KIRREL3: variants seen among roughly 807,000 people sequenced by gnomAD.
KIRREL3 encodes kin of IRRE-like protein 3.
Under a neutral mutation model 89.7 loss-of-function variants are expected in KIRREL3, and 36 were observed. The observed-to-expected ratio is 0.40, with a 90% CI of 0.31 to 0.53. The LOEUF is 0.53. KIRREL3 is among the 20% of genes least tolerant of loss of function. The pLI, the probability that KIRREL3 is intolerant of heterozygous loss-of-function variation, is 0.49. For missense variants in KIRREL3, 864 were observed against 1,056.6 expected, an observed-to-expected ratio of 0.82 and a Z score of 2.53; for synonymous variants, 445 against 441.4, an observed-to-expected ratio of 1.01 and a Z score of -0.10.
chr11:126,482,141 T>C (rs10893519), intron 4 of KIRREL3, among the ~76,000 whole-genome samples: 70,788 of 151,760 alleles, frequency 0.47, 18,100 homozygotes, highest in African/African-American at 0.69. Flanking sequence ...TGGGTTCAAG[T>C]GATTCTCCTG....
intron 1 of KIRREL3, among the ~76,000 whole-genome samples, chr11:126,588,439 G>A (rs1040062354): frequency 6.6e-6 from 1 of 152,170 alleles, no homozygotes; most frequent in African/African-American, 2.4e-5. Context: ...ATAGGGGTGG[G>A]AATAGGAATT....
chr11:126,968,986 C>T (rs664602), intron 1 of KIRREL3, among the ~76,000 whole-genome samples: 139,501 of 152,210 alleles, frequency 0.92, 64,103 homozygotes, highest in African/African-American at 0.98. Context: ...GGAGTGGTTA[C>T]ATTTTTGAGT....
chr11:126,829,525 C>A (rs1044711467), intron 1 of KIRREL3, among the ~76,000 whole-genome samples: 2 of 152,068 alleles, frequency 1.3e-5, no homozygotes, highest in African/African-American at 4.8e-5. Flanking sequence ...GTCTTGTGCC[C>A]CAAACTACCT....
rs1410286765 is a variant in KIRREL3, at chr11:126,566,273, G to A, written c.56-3361C>T. Reference sequence around the variant, plus strand: ...AGGAAGGTTTAGGAATACCACCTGTGCAAGGAAAAATGGATTGGAGTAGGG... The same window carrying A: ...AGGAAGGTTTAGGAATACCACCTGTACAAGGAAAAATGGATTGGAGTAGGG... On this transcript the variant is annotated intron_variant, in intron 1 of 16. Transcript: ENST00000525144. This position sits in a 1 kb window ranked among gnomAD's most constrained non-coding sequence, Gnocchi z 4.9. Among the ~76,000 whole-genome samples the A allele has an allele frequency of 1.3e-5, 2 of 152,204 alleles. No homozygotes were observed. The highest frequency in any genetic ancestry group is 2.9e-5 in the Non-Finnish European group (2 of 68,024).
At position 126,526,879 on chromosome 11, in the gene KIRREL3, C is replaced by T. The variant is rs1447052001; in HGVS notation, c.134-192G>A. 6.6e-6 allele frequency among the ~76,000 whole-genome samples: 1 copy of T among 152,188 alleles called. No individual in the cohort carries two copies. The highest frequency in any genetic ancestry group is 1.9e-4 in the East Asian group (1 of 5,192). ...CCAGCTCTATTCCCTCCTATGGGGG[C>T]CTGGCTCCCAGCTCCAGCCCCTCTG... On this transcript the variant is annotated intron_variant, in intron 2 of 16. Coordinates refer to ENST00000525144, the MANE Select transcript of KIRREL3 (RefSeq NM_032531.4). This position sits in a 1 kb window ranked among gnomAD's most constrained non-coding sequence, Gnocchi z 5.7.
intron 1 of KIRREL3, among the ~76,000 whole-genome samples, chr11:126,863,298 G>A (rs1188756499): frequency 6.6e-6 from 1 of 152,232 alleles, no homozygotes; most frequent in Non-Finnish European, 1.5e-5. Context: ...AGACAGCACA[G>A]GCCAAGCTGG....
At chr11:126,819,554 C>T (rs1201452337) in intron 1 of KIRREL3, among the ~76,000 whole-genome samples, 1 of 152,162 alleles carries the variant, frequency 6.6e-6, no homozygotes, top group Non-Finnish European at 1.5e-5. Flanking sequence ...ATACAGCCAC[C>T]CCAATTAAGA....
chr11:126,946,955 G>A lies in KIRREL3; in HGVS notation c.55+53500C>T, dbSNP rs1948635662. Among the ~76,000 whole-genome samples, 1 of 152,092 alleles carries A rather than the reference G, an allele frequency of 6.6e-6. No homozygotes were observed. Among genetic ancestry groups the A allele is most frequent in the South Asian group, 2.1e-4 (1 of 4,820 alleles). ...ATTGAGTGGTTAAATAACTTCCTAG[G>A]CACACTGCTTGCAAATGGCAGAAAG... On this transcript the variant is annotated intron_variant, in intron 1 of 16. Coordinates refer to ENST00000525144, the MANE Select transcript of KIRREL3 (RefSeq NM_032531.4). The surrounding 1 kb of genome is among the most constrained non-coding windows in gnomAD (Gnocchi z 4.1).
At chr11:126,730,641 C>A (rs548137304) in intron 1 of KIRREL3, among the ~76,000 whole-genome samples, 1 of 152,320 alleles carries the variant, frequency 6.6e-6, no homozygotes, top group East Asian at 1.9e-4. Flanking sequence ...GAGCTGAACA[C>A]GATACAATGC....
At chr11:126,760,192 T>C (rs375659110) in intron 1 of KIRREL3, among the ~76,000 whole-genome samples, 1 of 152,128 alleles carries the variant, frequency 6.6e-6, no homozygotes, top group African/African-American at 2.4e-5. Context: ...TGTCTGGGGG[T>C]CACCCATAGG....
intron 2 of KIRREL3, among the ~76,000 whole-genome samples, chr11:126,532,464 C>A (rs545172835): frequency 6.6e-6 from 1 of 152,178 alleles, no homozygotes; most frequent in Non-Finnish European, 1.5e-5. Flanking sequence ...CAACCTCCCC[C>A]TCCTGGGTTC....
At chr11:126,781,895 T>G (rs780212253) in intron 1 of KIRREL3, among the ~76,000 whole-genome samples, 4 of 152,238 alleles carry the variant, frequency 2.6e-5, no homozygotes, top group Non-Finnish European at 4.4e-5. Context: ...AAGGTGGGGT[T>G]GCTGAAAATT....
At chr11:126,737,494 C>T (rs764719625) in intron 1 of KIRREL3, among the ~76,000 whole-genome samples, 17 of 152,160 alleles carry the variant, frequency 1.1e-4, no homozygotes, top group African/African-American at 3.6e-4. Flanking sequence ...TGAGTCACAC[C>T]GCCCCATGGA....
rs1263916431 is a variant in KIRREL3 at position 126,976,835 on chromosome 11, C to T, written c.55+23620G>A. On this transcript the variant is annotated intron_variant, in intron 1 of 16. Transcript: ENST00000525144. This position sits in a 1 kb window ranked among gnomAD's most constrained non-coding sequence, Gnocchi z 4.2. ...CTACTGGCATAAGGTTATTACTTCA[C>T]GGTGGAGCTAGGCACTTAATCCTTG... 6.6e-6 allele frequency among the ~76,000 whole-genome samples: 1 copy of T among 152,098 alleles called. No homozygotes were observed. The highest frequency in any genetic ancestry group is 1.9e-4 in the East Asian group (1 of 5,188).
Position 126,687,410 on chromosome 11 carries a change from T to C in KIRREL3, c.56-124498A>G, listed in dbSNP as rs1946707868. Among the ~76,000 whole-genome samples the C allele has an allele frequency of 6.6e-6, 1 of 152,150 alleles. No homozygotes were observed. The highest frequency in any genetic ancestry group is 2.1e-4 in the South Asian group (1 of 4,828). On this transcript the variant is annotated intron_variant, in intron 1 of 16. Coordinates refer to ENST00000525144, the MANE Select transcript of KIRREL3 (RefSeq NM_032531.4). This position sits in a 1 kb window ranked among gnomAD's most constrained non-coding sequence, Gnocchi z 4.6. The stretch of plus-strand genomic sequence containing the variant: ...AAAAAATTTATATTTTTAACCTTGA[T>C]ACCCAAGAAAGCAGGAAATCTCACC...
At chr11:126,701,754 A>C (rs1286566461) in intron 1 of KIRREL3, among the ~76,000 whole-genome samples, 1 of 152,016 alleles carries the variant, frequency 6.6e-6, no homozygotes. Context: ...CAGCCTGGGG[A>C]GAAGCCCTGC....
chr11:126,601,601 C>T lies in KIRREL3; in HGVS notation c.56-38689G>A, dbSNP rs73627272. On this transcript the variant is annotated intron_variant, in intron 1 of 16. Transcript: ENST00000525144. This position sits in a 1 kb window ranked among gnomAD's most constrained non-coding sequence, Gnocchi z 5.8. ...ACAGAAGTCTTCTACCTCAACACTCCGCCAGGTTTTCTCCTTATGGCACCT... is the reference window on the plus strand; with the variant it reads ...ACAGAAGTCTTCTACCTCAACACTCTGCCAGGTTTTCTCCTTATGGCACCT... 4.5e-4 allele frequency among the ~76,000 whole-genome samples: 68 copies of T among 152,290 alleles called. No individual in the cohort carries two copies. Among genetic ancestry groups the T allele is most frequent in the African/African-American group, 1.5e-3 (61 of 41,556 alleles).
Position 126,795,628 on chromosome 11 carries a change from C to T in KIRREL3, c.55+204827G>A, listed in dbSNP as rs1276728225. Among the ~76,000 whole-genome samples, 1 of 152,172 alleles carries T rather than the reference C, an allele frequency of 6.6e-6. No homozygotes were observed. Among genetic ancestry groups the T allele is most frequent in the Non-Finnish European group, 1.5e-5 (1 of 68,030 alleles). The stretch of plus-strand genomic sequence containing the variant: ...TGAACTCCTGACCTCAGGTGATCCA[C>T]CCTCCTCGGCCTCCCCAAGTGCCAG... On this transcript the variant is annotated intron_variant, in intron 1 of 16. Transcript: ENST00000525144. The surrounding 1 kb of genome is among the most constrained non-coding windows in gnomAD (Gnocchi z 4.1).
Position 126,527,023 on chromosome 11 carries a change from T to G in KIRREL3, c.134-336A>C, listed in dbSNP as rs1023009334. ...ATTGGTGAGCTCCTACTTAATGCCA[T>G]GTGCTGGGCATGCAGTCCCACACCA... On this transcript the variant is annotated intron_variant, in intron 2 of 16. Transcript: ENST00000525144. The surrounding 1 kb of genome is among the most constrained non-coding windows in gnomAD (Gnocchi z 4.2). 6.6e-6 allele frequency among the ~76,000 whole-genome samples: 1 copy of G among 152,168 alleles called. No individual in the cohort carries two copies. Among genetic ancestry groups the G allele is most frequent in the Admixed American group, 6.5e-5 (1 of 15,280 alleles).
Sources: allele counts gnomAD v4.1 joint callset (sites outside exome capture counted in the v4.1 genomes callset), GRCh38; gene constraint gnomAD v4.1.1; non-coding constraint Gnocchi (gnomAD v3.1); transcripts MANE v1.5; gene names NCBI Gene and HGNC (gene_info 2026-07-23, HGNC 2026-07-21).